The following SLC22A14 variants were observed in gnomAD, a reference collection of about 807,000 sequenced individuals.
The protein encoded by SLC22A14 is organic cation transporter-like 4.
SLC22A14 carries 50 observed loss-of-function variants against 53.9 expected under a neutral mutation model. The observed-to-expected ratio is 0.93, with a 90% CI of 0.74 to 1.17. The LOEUF (loss-of-function observed/expected upper bound fraction) is 1.17, where lower values mean the gene tolerates loss of function less well. Ranked by LOEUF, SLC22A14 falls within the 50% of genes most tolerant of loss-of-function variation. The probability of loss-of-function intolerance (pLI) is 0.00; values close to 1 mark genes in which losing one functional copy is unlikely to be tolerated. For synonymous variants in SLC22A14, 312 were observed against 303.0 expected (o/e 1.03, Z -0.31); for missense variants, 671 against 734.7 (o/e 0.91, Z 1.00).
intron 8 of SLC22A14, 86 bp from the exon 9 acceptor site, chr3:38,315,471 TG>T: frequency 7.2e-7 from 1 of 1,388,730 alleles, no homozygotes; most frequent in Non-Finnish European, 9.8e-7. Flanking sequence ...GCTGGCCAGC[TG>T]GGCAGGTGGT....
intron 1 of SLC22A14, among the ~76,000 whole-genome samples, chr3:38,295,834 CTTCTT>C (rs997342106): frequency 1.3e-5 from 2 of 151,732 alleles, no homozygotes; most frequent in African/African-American, 4.8e-5. Context: ...TTCTCTCTCT[CTTCTT>C]TTAGCCATTT....
At chr3:38,305,686 C>T in intron 1 of SLC22A14, 1 of 244,778 alleles carries the variant, frequency 4.1e-6, no homozygotes. Flanking sequence ...CTACCTTTTG[C>T]AAGACCACTG....
In SLC22A14 at chr3:38,307,325, A is replaced by T; in HGVS notation, c.588A>T (p.Ile196=). Reference sequence around the variant, plus strand: ...TCATGTTCATGGCAGGGCTCCCGATAGGCTCTCTCATCTTCAGGCTCATAA... The same window carrying T: ...TCATGTTCATGGCAGGGCTCCCGATTGGCTCTCTCATCTTCAGGCTCATAA... ...AQIMFMAGLP[I]GSLIFRLITD... Residue 196 remains isoleucine (I), a synonymous_variant, in exon 3 of 11, where the codon ATA becomes ATT. Coordinates refer to ENST00000448498, the MANE Select transcript of SLC22A14 (RefSeq NM_001320033.2). The surrounding 1 kb of genome is among the most constrained non-coding windows in gnomAD (Gnocchi z 4.4). 1 of 1,613,986 alleles carries T rather than the reference A, an allele frequency of 6.2e-7. No individual in the cohort carries two copies. The highest frequency in any genetic ancestry group is 2.2e-5 in the East Asian group (1 of 44,882).
chr3:38,313,231 G>A, intron 6 of SLC22A14, 112 bp downstream of exon 6: 7 of 1,493,328 alleles, frequency 4.7e-6, no homozygotes, highest in Non-Finnish European at 5.5e-6. Flanking sequence ...CCAGTCCACT[G>A]CTTAAGGACA....
chr3:38,310,004 G>A (rs1036348528), intron 5 of SLC22A14, among the ~76,000 whole-genome samples: 1 of 152,102 alleles, frequency 6.6e-6, no homozygotes, highest in Admixed American at 6.5e-5. Flanking sequence ...GGGGCACCTG[G>A]GATTTGAACT....
At position 38,307,534 on chromosome 3, in the gene SLC22A14, C is replaced by T; in HGVS notation, c.621-32C>T. The T allele has an allele frequency of 6.2e-7, 1 of 1,608,548 alleles. No homozygotes were observed. The highest frequency in any genetic ancestry group is 8.5e-7 in the Non-Finnish European group (1 of 1,176,956). ...CTGGGGCCAGCCCGGGAGATCCCGG[C>T]ACTTGGTGCAGCCTCCCTTTGACAC... On this transcript the variant is annotated intron_variant, in intron 3 of 10. Coordinates refer to ENST00000448498, the MANE Select transcript of SLC22A14 (RefSeq NM_001320033.2). The surrounding 1 kb of genome is among the most constrained non-coding windows in gnomAD (Gnocchi z 4.4).
chr3:38,286,195 T>C (rs1703787859), intron 1 of SLC22A14, among the ~76,000 whole-genome samples: 1 of 152,154 alleles, frequency 6.6e-6, no homozygotes, highest in Non-Finnish European at 1.5e-5. Flanking sequence ...TGAGCTGAGA[T>C]TGTGCCATTG....
upstream of SLC22A14, among the ~76,000 whole-genome samples, chr3:38,280,989 T>C (rs1443392878): frequency 6.6e-6 from 1 of 152,232 alleles, no homozygotes; most frequent in East Asian, 1.9e-4. Context: ...CCCACCCTGC[T>C]CTTCAGTCTC....
chr3:38,312,373 T>A (rs1228662271), intron 5 of SLC22A14, among the ~76,000 whole-genome samples: 1 of 152,232 alleles, frequency 6.6e-6, no homozygotes, highest in Non-Finnish European at 1.5e-5. Context: ...ACGTGCTTTT[T>A]ATGCCAATCT....
intron 1 of SLC22A14, among the ~76,000 whole-genome samples, chr3:38,299,033 T>A (rs1704104401): frequency 6.6e-6 from 1 of 152,234 alleles, no homozygotes; most frequent in Non-Finnish European, 1.5e-5. Context: ...TTTTCATCTT[T>A]AGCTTTACAA....
In SLC22A14 at chr3:38,309,050, A is replaced by G. The variant is rs762027231; in HGVS notation, c.872A>G (p.Tyr291Cys). ...VGAVLLTGIAYSLPHWQLLFL... is the reference protein window; with the variant it reads ...VGAVLLTGIACSLPHWQLLFL... ...GCCGTGTTGCTGACAGGGATCGCCT[A>G]CAGTCTTCCCCACTGGCAGCTGCTG... The change falls in exon 5 of 11, where the codon TAC becomes TGC. Residue 291 changes from tyrosine to cysteine, a missense_variant. By Grantham distance (194) the Tyr-to-Cys change is radical. Coordinates refer to ENST00000448498, the MANE Select transcript of SLC22A14 (RefSeq NM_001320033.2). 34 of 1,613,986 alleles carry G rather than the reference A, an allele frequency of 2.1e-5. No individual in the cohort carries two copies. In the African/African-American group the frequency reaches 3.5e-4, roughly 16 times the overall value.
At chr3:38,310,815 A>C (rs980873445) in intron 5 of SLC22A14, among the ~76,000 whole-genome samples, 2 of 150,092 alleles carry the variant, frequency 1.3e-5, no homozygotes, top group Admixed American at 6.7e-5. Context: ...CCACTTGGCC[A>C]AAAAACCCCA....
intron 6 of SLC22A14, 61 bp from the exon 7 acceptor site, chr3:38,313,326 TG>T: frequency 1.4e-6 from 2 of 1,429,878 alleles, no homozygotes; most frequent in Non-Finnish European, 2.0e-6. Context: ...GTGGGTGCTG[TG>T]GGGCTGGGGA....
chr3:38,307,270 G>T lies in SLC22A14; in HGVS notation c.533G>T (p.Gly178Val). 6.2e-7 allele frequency: 1 copy of T among 1,613,808 alleles called. No homozygotes were observed. Among genetic ancestry groups the T allele is most frequent in the Non-Finnish European group, 8.5e-7 (1 of 1,179,664 alleles). ...SLINEFDLVC[G>V]METKKDTAQI... ...GACCCACAGTTTGACTTGGTATGTG[G>T]CATGGAGACGAAGAAGGACACTGCA... The change falls in exon 3 of 11, where the codon GGC becomes GTC. Residue 178 changes from glycine (G) to valine (V), a missense_variant. Gly to Val is a moderately radical substitution (Grantham distance 109). Transcript: ENST00000448498. This position sits in a 1 kb window ranked among gnomAD's most constrained non-coding sequence, Gnocchi z 4.4.
In SLC22A14 at chr3:38,306,505, T is replaced by A. The variant is rs765141297; in HGVS notation, c.479T>A (p.Ile160Asn). The change falls in exon 2 of 11, where the codon ATC (isoleucine) becomes AAC (asparagine). Residue 160 changes from isoleucine to asparagine, a missense_variant. Coordinates refer to ENST00000448498, the MANE Select transcript of SLC22A14 (RefSeq NM_001320033.2). ...NDTDTCQDGW[I>N]YPDAKKRSLI... ...ACAGACACATGCCAAGATGGGTGGATCTATCCTGACGCTAAGAAGCGATCG... is the reference window on the plus strand; with the variant it reads ...ACAGACACATGCCAAGATGGGTGGAACTATCCTGACGCTAAGAAGCGATCG... 6.2e-7 allele frequency: 1 copy of A among 1,614,148 alleles called. No individual in the cohort carries two copies. Among genetic ancestry groups the A allele is most frequent in the Non-Finnish European group, 8.5e-7 (1 of 1,180,004 alleles).
At chr3:38,312,860 C>A in intron 5 of SLC22A14, 139 bp from the exon 6 acceptor site, 1 of 1,119,262 alleles carries the variant, frequency 8.9e-7, no homozygotes, top group Admixed American at 2.1e-5. Context: ...AGCTCGAGGT[C>A]AGTGGTGGCC....
At chr3:38,284,816 A>G (rs1427315174) in intron 1 of SLC22A14, among the ~76,000 whole-genome samples, 3 of 152,206 alleles carry the variant, frequency 2.0e-5, no homozygotes, top group Non-Finnish European at 4.4e-5. Flanking sequence ...AAATGACCGA[A>G]AAGCAATACA....
At position 38,306,389 on chromosome 3, in the gene SLC22A14, C is replaced by T. The variant is rs1704305018; in HGVS notation, c.363C>T (p.Pro121=). The T allele has an allele frequency of 6.2e-7, 1 of 1,614,092 alleles. No individual in the cohort carries two copies. Among genetic ancestry groups the T allele is most frequent in the Non-Finnish European group, 8.5e-7 (1 of 1,180,048 alleles). ...CTGAGCAGCTGAATCTGACCATACC[C>T]CAAGCACCCAATGGCAGTTTCCTGA... is the stretch of plus-strand genomic sequence containing the variant. ...SKAEQLNLTI[P]QAPNGSFLTC... is the part of the protein sequence containing the mutation. The change falls in exon 2 of 11, where the codon CCC becomes CCT. Residue 121 remains proline (P), a synonymous_variant. Coordinates refer to ENST00000448498, the MANE Select transcript of SLC22A14 (RefSeq NM_001320033.2).
intron 1 of SLC22A14, among the ~76,000 whole-genome samples, chr3:38,297,239 C>T (rs542024919): frequency 2.6e-5 from 4 of 152,236 alleles, no homozygotes; most frequent in South Asian, 2.1e-4. Context: ...TTGCAAGCCC[C>T]GTGTTTAAAG....
Sources: gnomAD v4.1 joint callset for allele counts (sites outside exome capture counted in the v4.1 genomes callset) on GRCh38, gnomAD v4.1.1 for gene constraint, Gnocchi (gnomAD v3.1) non-coding constraint, MANE v1.5 for transcripts, NCBI Gene and HGNC (gene_info 2026-07-23, HGNC 2026-07-21) for gene names.